KCNH1: variants seen among roughly 807,000 people sequenced by gnomAD.
The protein encoded by KCNH1 is voltage-gated delayed rectifier potassium channel KCNH1.
A neutral mutation model predicts 69.2 loss-of-function variants in KCNH1; 27 were observed. The observed-to-expected ratio is 0.39, with a 90% CI of 0.29 to 0.54. KCNH1 has a LOEUF of 0.54. Among genes scored for constraint, KCNH1 ranks in the 20% least tolerant of loss-of-function variants. The pLI is 0.68. For missense variants in KCNH1, 798 were observed against 1,261.6 expected, an observed-to-expected ratio of 0.63 and a Z score of 5.57; for synonymous variants, 456 against 487.7, an observed-to-expected ratio of 0.93 and a Z score of 0.86.
Position 210,797,734 on chromosome 1 carries a change from C to A in KCNH1, c.1689G>T (p.Met563Ile), listed in dbSNP as rs1466236708. 1 of 1,613,770 alleles carries A rather than the reference C, an allele frequency of 6.2e-7. No individual in the cohort carries two copies. Among genetic ancestry groups the A allele is most frequent in the Admixed American group, 1.7e-5 (1 of 59,998 alleles). ...TCAGGTGCACGCAGATGTCGGCTCT[C>A]ATGTCCTTGGGGCAGATCTGCAGGA... ...EKVLQICPKD[M>I]RADICVHLNR... is the part of the protein sequence containing the mutation. The change falls in exon 9 of 11, where the codon ATG (methionine) becomes ATT (isoleucine). Residue 563 changes from methionine to isoleucine, a missense_variant. Physicochemically the swap from Met to Ile is conservative, Grantham distance 10. Around this residue, in one of 4 missense-constraint regions of KCNH1, gnomAD observed 197 missense variants for 407.7 expected, o/e 0.48. Coordinates refer to ENST00000271751, the MANE Select transcript of KCNH1 (RefSeq NM_172362.3).
At chr1:210,917,433 T>C (rs1480460809) in intron 7 of KCNH1, among the ~76,000 whole-genome samples, 3 of 151,944 alleles carry the variant, frequency 2.0e-5, no homozygotes, top group Non-Finnish European at 4.4e-5. Context: ...CCCTGGAGAT[T>C]ATATCCAAGA....
At chr1:210,954,166 T>G (rs1179399509) in intron 6 of KCNH1, among the ~76,000 whole-genome samples, 1 of 152,172 alleles carries the variant, frequency 6.6e-6, no homozygotes. Context: ...TTTGGTTTTC[T>G]GTCCTTGTGA....
At chr1:211,077,876 G>C (rs1399593736) in intron 5 of KCNH1, among the ~76,000 whole-genome samples, 1 of 151,742 alleles carries the variant, frequency 6.6e-6, no homozygotes. Context: ...CTCACATGCA[G>C]AGACACATAT....
Position 210,683,798 on chromosome 1 carries a change from C to T in KCNH1, c.2453G>A (p.Gly818Glu), listed in dbSNP as rs747517591. Residue 818 changes from glycine to glutamate, a missense_variant, in exon 11 of 11, where the codon GGG (glycine) becomes GAG (glutamate). Physicochemically the swap from Gly to Glu is moderately conservative, Grantham distance 98. Around this residue, in one of 4 missense-constraint regions of KCNH1, gnomAD observed 331 missense variants for 363.2 expected, o/e 0.91. Coordinates refer to ENST00000271751, the MANE Select transcript of KCNH1 (RefSeq NM_172362.3). This position sits in a 1 kb window ranked among gnomAD's most constrained non-coding sequence, Gnocchi z 5.7. ...VPDHAKLQAPGSECLGPKGGG... is the reference protein window; with the variant it reads ...VPDHAKLQAPESECLGPKGGG... ...CCCCTTGGGGCCCAGGCACTCGGAC[C>T]CTGGCGCCTGTAGCTTTGCGTGGTC... is the stretch of plus-strand genomic sequence containing the variant. 8.1e-6 allele frequency: 13 copies of T among 1,613,786 alleles called. No individual in the cohort carries two copies. The highest frequency in any genetic ancestry group is 2.2e-5 in the East Asian group (1 of 44,872).
chr1:210,906,847 T>A (rs150821615), intron 7 of KCNH1, among the ~76,000 whole-genome samples: 1,975 of 152,268 alleles, frequency 0.013, 23 homozygotes, highest in Middle Eastern at 0.051. Context: ...GCCAGAACAC[T>A]CTCACACTGA....
intron 7 of KCNH1, among the ~76,000 whole-genome samples, chr1:210,897,555 C>T (rs920913709): frequency 7.2e-5 from 11 of 152,112 alleles, no homozygotes; most frequent in African/African-American, 2.7e-4. Flanking sequence ...CCAACAGGCT[C>T]CCCTGGATAT....
At chr1:210,797,983 G>A (rs1030718050) in intron 8 of KCNH1, among the ~76,000 whole-genome samples, 2 of 151,604 alleles carry the variant, frequency 1.3e-5, no homozygotes, top group African/African-American at 4.8e-5. Flanking sequence ...ATCAGCACTG[G>A]GAGTAAGTGG....
chr1:210,989,235 T>C (rs1182706569), intron 6 of KCNH1, among the ~76,000 whole-genome samples: 1 of 152,234 alleles, frequency 6.6e-6, no homozygotes, highest in Non-Finnish European at 1.5e-5. Context: ...GACTCAGAGA[T>C]GTTAACTTGT....
intron 5 of KCNH1, among the ~76,000 whole-genome samples, chr1:211,030,585 G>A (rs1421273519): frequency 3.9e-5 from 6 of 152,054 alleles, no homozygotes; most frequent in South Asian, 4.2e-4. Flanking sequence ...CCTAAGTCTC[G>A]CATCTTATTT....
At chr1:211,113,117 G>A (rs1691504263) in intron 1 of KCNH1, among the ~76,000 whole-genome samples, 1 of 151,872 alleles carries the variant, frequency 6.6e-6, no homozygotes, top group African/African-American at 2.4e-5. Context: ...ATGAATCTTT[G>A]TGAAGAATTA....
At chr1:210,701,964 A>ATTCT (rs1681792688) in intron 10 of KCNH1, among the ~76,000 whole-genome samples, 1 of 152,214 alleles carries the variant, frequency 6.6e-6, no homozygotes, top group Admixed American at 6.5e-5. Flanking sequence ...GAATTCCTGC[A>ATTCT]TTCTTAAAAA....
In KCNH1 at chr1:211,103,513, A is replaced by G; in HGVS notation, c.293T>C (p.Leu98Pro). ...ATACTCACTGTTCTTCTTGTACATC[A>G]GAATTTCAAAGGAATTCATCTCATA... Reference protein sequence around the residue: ...ENYEMNSFEILMYKKNRTPVW... With the variant: ...ENYEMNSFEIPMYKKNRTPVW... The change falls in exon 3 of 11, where the codon CTG (leucine) becomes CCG (proline). Residue 98 changes from leucine to proline, a missense_variant. Leu to Pro is a moderately conservative substitution (Grantham distance 98, BLOSUM62 -3). Transcript: ENST00000271751. 1 of 1,609,688 alleles carries G rather than the reference A, an allele frequency of 6.2e-7. No homozygotes were observed. Among genetic ancestry groups the G allele is most frequent in the Non-Finnish European group, 8.5e-7 (1 of 1,176,564 alleles).
At chr1:210,888,491 T>C (rs902880093) in intron 7 of KCNH1, among the ~76,000 whole-genome samples, 5 of 151,554 alleles carry the variant, frequency 3.3e-5, no homozygotes, top group African/African-American at 1.2e-4. Flanking sequence ...ACATCACAAT[T>C]AAAAGAACTA....
chr1:210,871,237 C>T (rs974684707), intron 7 of KCNH1, among the ~76,000 whole-genome samples: 5 of 152,226 alleles, frequency 3.3e-5, no homozygotes, highest in Admixed American at 1.3e-4. Flanking sequence ...AAAAAGTGGG[C>T]AAAGGACATG....
intron 6 of KCNH1, among the ~76,000 whole-genome samples, chr1:210,990,466 A>G (rs1408911243): frequency 3.3e-5 from 5 of 152,176 alleles, no homozygotes; most frequent in Non-Finnish European, 7.3e-5. Context: ...AAGGTCAAGA[A>G]AAGATTCATG....
intron 6 of KCNH1, among the ~76,000 whole-genome samples, chr1:210,989,596 T>C (rs1688903512): frequency 1.3e-5 from 2 of 152,164 alleles, no homozygotes; most frequent in African/African-American, 4.8e-5. Flanking sequence ...AGGGTTTTTG[T>C]TGTTGTTGTC....
intron 7 of KCNH1, among the ~76,000 whole-genome samples, chr1:210,829,224 T>C (rs1169622250): frequency 1.3e-5 from 2 of 152,172 alleles, no homozygotes; most frequent in Admixed American, 6.5e-5. Flanking sequence ...CTTATCCTTC[T>C]AAGAAGGCAT....
At chr1:210,686,497 A>G (rs1198869439) in intron 10 of KCNH1, among the ~76,000 whole-genome samples, 1 of 152,176 alleles carries the variant, frequency 6.6e-6, no homozygotes, top group East Asian at 1.9e-4. Context: ...AGGGAGGCCA[A>G]CTTTCTTCTG....
At chr1:210,759,897 G>T (rs1207852856) in intron 10 of KCNH1, among the ~76,000 whole-genome samples, 1 of 152,138 alleles carries the variant, frequency 6.6e-6, no homozygotes, top group Non-Finnish European at 1.5e-5. Flanking sequence ...CCAGTCCAAG[G>T]CCTGTTAAAA....
Sources: gnomAD v4.1 joint callset for allele counts (sites outside exome capture counted in the v4.1 genomes callset) on GRCh38, gnomAD v4.1.1 for gene constraint, gnomAD v4.1.1 regional missense constraint, Gnocchi (gnomAD v3.1) non-coding constraint, MANE v1.5 for transcripts, NCBI Gene and HGNC (gene_info 2026-07-23, HGNC 2026-07-21) for gene names.